GPR158: variants seen among roughly 807,000 people sequenced by gnomAD.
GPR158 encodes the protein metabotropic glycine receptor.
A neutral mutation model predicts 78.2 loss-of-function variants in GPR158; 30 were observed. That is an observed-to-expected ratio of 0.38 (90% CI 0.29 to 0.52). GPR158 has a LOEUF of 0.52. GPR158 is among the 20% of genes least tolerant of loss of function. GPR158 has a pLI of 0.83. For synonymous variants in GPR158, 581 were observed against 591.1 expected, an observed-to-expected ratio of 0.98 and a Z score of 0.25; for missense variants, 1,463 against 1,523.5, an observed-to-expected ratio of 0.96 and a Z score of 0.66.
chr10:25,251,329 G>C (rs1328356476), intron 2 of GPR158, among the ~76,000 whole-genome samples: 1 of 151,402 alleles, frequency 6.6e-6, no homozygotes, highest in East Asian at 2.0e-4. Flanking sequence ...AGTTAATATT[G>C]TTATGTGTGA....
At chr10:25,570,537 A>C (rs1289806197) in intron 6 of GPR158, among the ~76,000 whole-genome samples, 1 of 152,204 alleles carries the variant, frequency 6.6e-6, no homozygotes, top group Non-Finnish European at 1.5e-5. Context: ...TCTCTATTTT[A>C]AAATTTCTTC....
At chr10:25,432,838 G>A (rs1588861423) in intron 4 of GPR158, among the ~76,000 whole-genome samples, 1 of 152,140 alleles carries the variant, frequency 6.6e-6, no homozygotes, top group East Asian at 1.9e-4. Flanking sequence ...TCCATACTGA[G>A]TGTCTGATAA....
chr10:25,519,431 G>T (rs1214114905), intron 5 of GPR158, among the ~76,000 whole-genome samples: 1 of 126,736 alleles, frequency 7.9e-6, no homozygotes, highest in African/African-American at 3.6e-5. Flanking sequence ...GTTAGCTGGT[G>T]ATTTTGCTCG....
chr10:25,586,694 T>C (rs895706887), intron 7 of GPR158, among the ~76,000 whole-genome samples: 2 of 152,184 alleles, frequency 1.3e-5, no homozygotes, highest in Non-Finnish European at 2.9e-5. Flanking sequence ...ATTACAGGTG[T>C]GAGCCACCGT....
At chr10:25,308,248 C>T (rs1288045324) in intron 2 of GPR158, among the ~76,000 whole-genome samples, 1 of 152,036 alleles carries the variant, frequency 6.6e-6, no homozygotes, top group Non-Finnish European at 1.5e-5. Flanking sequence ...CAACCCATCA[C>T]CTATGTATTA....
chr10:25,349,024 C>G (rs189937187), intron 2 of GPR158, among the ~76,000 whole-genome samples: 183 of 152,090 alleles, frequency 1.2e-3, no homozygotes, highest in South Asian at 0.01. Context: ...ACAAATTACC[C>G]AAACTTAGTG....
intron 2 of GPR158, among the ~76,000 whole-genome samples, chr10:25,299,990 C>T (rs1854568533): frequency 6.6e-6 from 1 of 152,060 alleles, no homozygotes; most frequent in Non-Finnish European, 1.5e-5. Context: ...CCACGCCCAG[C>T]TAGGTGATCC....
chr10:25,303,440 G>A (rs72794270), intron 2 of GPR158, among the ~76,000 whole-genome samples: 4,626 of 152,206 alleles, frequency 0.03, 95 homozygotes, highest in Non-Finnish European at 0.046. Context: ...TAATTTAGAG[G>A]AAGATGATAC....
chr10:25,589,819 A>G (rs1011534416), intron 8 of GPR158, among the ~76,000 whole-genome samples: 3 of 152,212 alleles, frequency 2.0e-5, no homozygotes, highest in Non-Finnish European at 4.4e-5. Flanking sequence ...ATCTTCTGAA[A>G]ATGTATCCCT....
chr10:25,569,343 CTT>C (rs747348092), intron 6 of GPR158, among the ~76,000 whole-genome samples: 1 of 152,130 alleles, frequency 6.6e-6, no homozygotes, highest in Non-Finnish European at 1.5e-5. Flanking sequence ...AAAGAAAAAA[CTT>C]AACTGGTTAA....
chr10:25,467,783 T>A (rs751934808), intron 5 of GPR158, among the ~76,000 whole-genome samples: 2 of 152,126 alleles, frequency 1.3e-5, no homozygotes, highest in Non-Finnish European at 2.9e-5. Flanking sequence ...TGAAAGAGGA[T>A]GAGCCAGCAG....
At chr10:25,384,683 G>A (rs946278803) in intron 2 of GPR158, among the ~76,000 whole-genome samples, 7 of 110,320 alleles carry the variant, frequency 6.3e-5, no homozygotes, top group African/African-American at 2.6e-4. Context: ...GTGGTTTTTC[G>A]GCACAAGTAT....
At chr10:25,428,230 TTTTG>T (rs1187903348) in intron 4 of GPR158, among the ~76,000 whole-genome samples, 1 of 152,098 alleles carries the variant, frequency 6.6e-6, no homozygotes, top group Non-Finnish European at 1.5e-5. Flanking sequence ...TTAAAAATCA[TTTTG>T]TTTAATATCT....
intron 2 of GPR158, among the ~76,000 whole-genome samples, chr10:25,319,824 C>CG (rs1321224122): frequency 7.3e-6 from 1 of 136,340 alleles, no homozygotes; most frequent in Non-Finnish European, 1.5e-5. Flanking sequence ...AACACCCCAC[C>CG]CCCCCCAAAA....
At chr10:25,383,991 C>T (rs1329265) in intron 2 of GPR158, among the ~76,000 whole-genome samples, 98,133 of 152,104 alleles carry the variant, frequency 0.65, 32,633 homozygotes, top group Non-Finnish European at 0.73. Flanking sequence ...GAAATAATAA[C>T]AGAGTTGCTA....
intron 2 of GPR158, among the ~76,000 whole-genome samples, chr10:25,297,747 G>A (rs1032203681): frequency 1.6e-4 from 25 of 152,280 alleles, no homozygotes; most frequent in African/African-American, 5.5e-4. Context: ...TAGATTTGGG[G>A]CCAACAGACA....
At chr10:25,588,800 A>G (rs577582823) in intron 7 of GPR158, among the ~76,000 whole-genome samples, 61 of 152,348 alleles carry the variant, frequency 4.0e-4, no homozygotes, top group African/African-American at 1.3e-3. Flanking sequence ...ATTAAATGCA[A>G]TAACAACAAA....
At chr10:25,536,697 T>C (rs1836505530) in intron 5 of GPR158, among the ~76,000 whole-genome samples, 1 of 152,198 alleles carries the variant, frequency 6.6e-6, no homozygotes, top group Admixed American at 6.6e-5. Context: ...TAGGAGATGA[T>C]TCAAAAGATT....
intron 2 of GPR158, among the ~76,000 whole-genome samples, chr10:25,271,534 C>T (rs1480270686): frequency 1.3e-5 from 2 of 152,176 alleles, no homozygotes; most frequent in Admixed American, 1.3e-4. Flanking sequence ...TGGTGATGGA[C>T]ATACTCTCTT....
Sources: gnomAD v4.1 joint callset for allele counts (sites outside exome capture counted in the v4.1 genomes callset) on GRCh38, gnomAD v4.1.1 for gene constraint, MANE v1.5 for transcripts, NCBI Gene and HGNC (gene_info 2026-07-23, HGNC 2026-07-21) for gene names.